P2RX1: variants seen among roughly 807,000 people sequenced by gnomAD.
P2RX1 encodes P2X purinoceptor 1.
In P2RX1, 42 loss-of-function variants were observed where a neutral mutation model predicts 50.3. That is an observed-to-expected ratio of 0.83 (90% CI 0.65 to 1.08). The LOEUF (loss-of-function observed/expected upper bound fraction) is 1.08, where lower values mean the gene tolerates loss of function less well. Ranked by LOEUF, P2RX1 falls within the 50% of genes least tolerant of loss-of-function variation. The pLI, the probability that P2RX1 is intolerant of heterozygous loss-of-function variation, is 0.00. For missense variants in P2RX1, 449 were observed against 529.0 expected, an observed-to-expected ratio of 0.85 and a Z score of 1.48; for synonymous variants, 199 against 202.6, an observed-to-expected ratio of 0.98 and a Z score of 0.15.
In P2RX1 at chr17:3,905,201, C is replaced by A; in HGVS notation, c.285+19G>T. 1 of 1,611,006 alleles carries A rather than the reference C, an allele frequency of 6.2e-7. No individual in the cohort carries two copies. The highest frequency in any genetic ancestry group is 1.1e-5 in the South Asian group (1 of 91,064). ...AGACAGGCCCTGTGAGGGGAAGGTG[C>A]AAACCTGAGCCAGCTCACCTGGGCT... On this transcript the variant is annotated intron_variant, in intron 2 of 11. Coordinates refer to ENST00000225538, the MANE Select transcript of P2RX1 (RefSeq NM_002558.4).
At chr17:3,898,795 A>G in intron 9 of P2RX1, 139 bp downstream of exon 9, 2 of 813,116 alleles carry the variant, frequency 2.5e-6, no homozygotes, top group Non-Finnish European at 4.4e-6. Context: ...GACATGCCCC[A>G]TGACCATCTG....
At chr17:3,899,841 C>T (rs1480391386) in intron 7 of P2RX1, 80 bp from the exon 8 acceptor site, 3 of 1,558,114 alleles carry the variant, frequency 1.9e-6, no homozygotes, top group Non-Finnish European at 2.6e-6. Flanking sequence ...TGGCTCACAC[C>T]TGTAATCCCA....
chr17:3,905,277 C>G lies in P2RX1; in HGVS notation c.228G>C (p.Gln76His). ...AGACCTGGGGGCCGAGGCCAGGGAG[C>G]TGGGTCACGGCCAGGCCCTTGAGTT... ...SVKLKGLAVT[Q>H]LPGLGPQVWD... Residue 76 changes from glutamine (Q) to histidine (H), a missense_variant, in exon 2 of 12, where the codon CAG becomes CAC. Coordinates refer to ENST00000225538, the MANE Select transcript of P2RX1 (RefSeq NM_002558.4). 2 of 1,613,872 alleles carry G rather than the reference C, an allele frequency of 1.2e-6. No homozygotes were observed. Among genetic ancestry groups the G allele is most frequent in the Non-Finnish European group, 8.5e-7 (1 of 1,180,006 alleles).
At chr17:3,907,303 G>GTGTGTGTGTGTGTA (rs1468755947) in intron 1 of P2RX1, among the ~76,000 whole-genome samples, 3 of 151,154 alleles carry the variant, frequency 2.0e-5, no homozygotes, top group Non-Finnish European at 4.4e-5. Flanking sequence ...GTGTGTGTGT[G>GTGTGTGTGTGTGTA]TGTGTGTGTG....
At chr17:3,913,206 C>T (rs2056394511) in intron 1 of P2RX1, among the ~76,000 whole-genome samples, 1 of 151,336 alleles carries the variant, frequency 6.6e-6, no homozygotes, top group Admixed American at 6.6e-5. Context: ...ATCTCAGCTC[C>T]ACTCTGCCTC....
In P2RX1 at chr17:3,904,398, T is replaced by G. The variant is rs1940437855; in HGVS notation, c.359A>C (p.His120Pro). Residue 120 changes from histidine to proline, a missense_variant and splice_region_variant, in exon 4 of 12, where the codon CAC becomes CCC. Transcript: ENST00000225538. ...TTCCTTGCATATGCCCCCTTCTGGG[T>G]GCTGGGGGAGGCAAAAGCTGCTGGT... Reference protein sequence around the residue: ...PKQTQGYCAEHPEGGICKEDS... With the variant: ...PKQTQGYCAEPPEGGICKEDS... 2 of 1,613,636 alleles carry G rather than the reference T, an allele frequency of 1.2e-6. No individual in the cohort carries two copies. The highest frequency in any genetic ancestry group is 1.7e-6 in the Non-Finnish European group (2 of 1,179,814).
intron 1 of P2RX1, among the ~76,000 whole-genome samples, chr17:3,911,311 C>CT (rs1555549300): frequency 8.6e-5 from 13 of 151,344 alleles, no homozygotes; most frequent in African/African-American, 2.2e-4. Context: ...TTCTTTCTTT[C>CT]TTTTTTTTTG....
At chr17:3,910,274 C>G (rs6502754) in intron 1 of P2RX1, among the ~76,000 whole-genome samples, 25,079 of 152,102 alleles carry the variant, frequency 0.16, 3,011 homozygotes, top group African/African-American at 0.33. Flanking sequence ...TGTGCCCGGC[C>G]TACGAAATCT....
In P2RX1 at chr17:3,897,839, A is replaced by G; in HGVS notation, c.1175T>C (p.Leu392Pro). ...DLAATSSTLG[L>P]QENMRTS is the part of the protein sequence containing the mutation. ...TCAGGATGTCCTCATGTTCTCCTGCAGGCCCAGGGTGGAGCTGGTAGCTGC... is the reference window on the plus strand; with the variant it reads ...TCAGGATGTCCTCATGTTCTCCTGCGGGCCCAGGGTGGAGCTGGTAGCTGC... Residue 392 changes from leucine (L) to proline (P), a missense_variant, in exon 12 of 12, where the codon CTG becomes CCG. Coordinates refer to ENST00000225538, the MANE Select transcript of P2RX1 (RefSeq NM_002558.4). 2 of 1,613,608 alleles carry G rather than the reference A, an allele frequency of 1.2e-6. No individual in the cohort carries two copies. Among genetic ancestry groups the G allele is most frequent in the Non-Finnish European group, 1.7e-6 (2 of 1,180,014 alleles).
intron 10 of P2RX1, 110 bp from the exon 11 acceptor site, chr17:3,898,220 C>T: frequency 1.0e-6 from 1 of 978,694 alleles, no homozygotes; most frequent in Non-Finnish European, 1.6e-6. Flanking sequence ...GATCTGACCT[C>T]ACTGGAGGCC....
Position 3,896,923 on chromosome 17 carries a change from A to G in P2RX1, c.*891T>C, listed in dbSNP as rs887980525. ...CACAGTGTGGAAGGATGCTGTGTGC[A>G]CGTAGGTGGTGTGTACACTGGGTTG... On this transcript the variant is annotated 3_prime_UTR_variant, in exon 12 of 12. Transcript: ENST00000225538. 6.6e-6 allele frequency: 1 copy of G among 152,424 alleles called. No homozygotes were observed. The highest frequency in any genetic ancestry group is 2.4e-5 in the African/African-American group (1 of 41,452). The allele number at this position is 152,424 out of a possible 1,614,324, so 9.4% of individuals were successfully genotyped here.
rs183852634 is a variant in P2RX1, at chr17:3,904,536, C to T, written c.358-137G>A. 1.7e-3 allele frequency: 1,323 copies of T among 770,652 alleles called. 4 individuals carry two copies. Among genetic ancestry groups the T allele is most frequent in the Middle Eastern group, 6.4e-3 (18 of 2,808 alleles). 47.7% of individuals were successfully genotyped at this position (770,652 alleles called of 1,614,324 possible). On this transcript the variant is annotated intron_variant, in intron 3 of 11. Transcript: ENST00000225538. ...TCTCTGGAGTGACGCCTGCTCACAG[C>T]CTCCTTCCCCCATTTCCCCCCACAC...
chr17:3,903,267 G>A lies in P2RX1; in HGVS notation c.682C>T (p.Pro228Ser). The change falls in exon 7 of 12, where the codon CCA (proline) becomes TCA (serine). Residue 228 changes from proline (P) to serine (S), a missense_variant. By Grantham distance (74) the Pro-to-Ser change is moderately conservative (BLOSUM62 -1). Coordinates refer to ENST00000225538, the MANE Select transcript of P2RX1 (RefSeq NM_002558.4). The surrounding 1 kb of genome is among the most constrained non-coding windows in gnomAD (Gnocchi z 4.6). Reference sequence around the variant, plus strand: ...ACCACGTAGCCAAGCTGGAAGACTGGGCACAGGGGGTGCAGGGTCTTGTGA... The same window carrying A: ...ACCACGTAGCCAAGCTGGAAGACTGAGCACAGGGGGTGCAGGGTCTTGTGA... ...LFHKTLHPLCPVFQLGYVVQE... is the reference protein window; with the variant it reads ...LFHKTLHPLCSVFQLGYVVQE... 6.2e-7 allele frequency: 1 copy of A among 1,614,174 alleles called. No homozygotes were observed. Among genetic ancestry groups the A allele is most frequent in the South Asian group, 1.1e-5 (1 of 91,088 alleles).
chr17:3,913,701 G>A (rs964025819), intron 1 of P2RX1, among the ~76,000 whole-genome samples: 2 of 152,188 alleles, frequency 1.3e-5, no homozygotes, highest in African/African-American at 2.4e-5. Flanking sequence ...CTGTCTCTGT[G>A]TCCACCCATC....
At chr17:3,912,611 G>A (rs554496341) in intron 1 of P2RX1, among the ~76,000 whole-genome samples, 24 of 152,352 alleles carry the variant, frequency 1.6e-4, no homozygotes, top group African/African-American at 5.5e-4. Flanking sequence ...GATTACAGGC[G>A]TGAGCCAACG....
chr17:3,899,789 T>C (rs1340288673), intron 7 of P2RX1, 28 bp from the exon 8 acceptor site: 2 of 1,611,462 alleles, frequency 1.2e-6, no homozygotes, highest in Non-Finnish European at 8.5e-7. Flanking sequence ...AGTTAAGATC[T>C]GGGATTTCAG....
At chr17:3,898,191 G>C (rs1193094348) in intron 10 of P2RX1, 81 bp from the exon 11 acceptor site, 2 of 1,231,302 alleles carry the variant, frequency 1.6e-6, no homozygotes, top group Middle Eastern at 2.0e-4. Context: ...CTCAGTCCCT[G>C]GTGGTGAGGC....
intron 1 of P2RX1, among the ~76,000 whole-genome samples, chr17:3,911,559 G>A (rs1186058614): frequency 1.5e-5 from 2 of 131,144 alleles, no homozygotes; most frequent in African/African-American, 2.9e-5. Flanking sequence ...CCATCCCTGC[G>A]GCCTCTTCAC....
At chr17:3,902,515 C>G (rs865985815) in intron 7 of P2RX1, among the ~76,000 whole-genome samples, 1 of 151,930 alleles carries the variant, frequency 6.6e-6, no homozygotes. Context: ...AGGCTGGTCT[C>G]GAACTCCTGA....
Sources: gnomAD v4.1 joint callset for allele counts (sites outside exome capture counted in the v4.1 genomes callset) on GRCh38, gnomAD v4.1.1 for gene constraint, Gnocchi (gnomAD v3.1) non-coding constraint, MANE v1.5 for transcripts, NCBI Gene and HGNC (gene_info 2026-07-23, HGNC 2026-07-21) for gene names.